NCF4: variants seen among roughly 807,000 people sequenced by gnomAD.
NCF4 encodes neutrophil cytosolic factor 4.
NCF4 carries 30 observed loss-of-function variants against 41.7 expected under a neutral mutation model. The observed-to-expected ratio is 0.72, with a 90% CI of 0.54 to 0.97. NCF4 has a LOEUF of 0.97. Ranked by LOEUF, NCF4 falls within the 50% of genes least tolerant of loss-of-function variation. The probability of loss-of-function intolerance (pLI) is 0.00; values close to 1 mark genes in which losing one functional copy is unlikely to be tolerated. For synonymous variants in NCF4, 195 were observed against 175.8 expected (o/e 1.11, Z -0.87); for missense variants, 432 against 460.9 (o/e 0.94, Z 0.57).
At position 36,877,933 on chromosome 22, in the gene NCF4, G is replaced by A. The variant is rs1215793869; in HGVS notation, c.*110G>A. 4.6e-6 allele frequency: 5 copies of A among 1,088,166 alleles called. No individual in the cohort carries two copies. In the Admixed American group the frequency reaches 6.5e-5, roughly 14 times the overall value. 67.4% of individuals were successfully genotyped at this position (1,088,166 alleles called of 1,614,324 possible). On this transcript the variant is annotated 3_prime_UTR_variant, in exon 10 of 10. Transcript: ENST00000248899. ...GGATGGGCAGACTTCCTGTCTTTGAGGCTAATGGACCCGTGGGGCTTGTAA... is the reference window on the plus strand; with the variant it reads ...GGATGGGCAGACTTCCTGTCTTTGAAGCTAATGGACCCGTGGGGCTTGTAA...
intron 4 of NCF4, 76 bp from the exon 5 acceptor site, chr22:36,870,339 G>A (rs1940023288): frequency 1.2e-6 from 2 of 1,601,710 alleles, no homozygotes; most frequent in Non-Finnish European, 1.7e-6. Context: ...CAGGGCTCGG[G>A]GACGGGACAT....
intron 4 of NCF4, 106 bp from the exon 5 acceptor site, chr22:36,870,309 A>G: frequency 6.7e-7 from 1 of 1,497,140 alleles, no homozygotes; most frequent in Non-Finnish European, 9.2e-7. Context: ...ATGCATTAGT[A>G]AAGAGAGGAG....
chr22:36,877,944 C>A lies in NCF4; in HGVS notation c.*121C>A. 2 of 946,668 alleles carry A rather than the reference C, an allele frequency of 2.1e-6. No individual in the cohort carries two copies. Among genetic ancestry groups the A allele is most frequent in the Non-Finnish European group, 3.2e-6 (2 of 629,632 alleles). 58.6% of individuals were successfully genotyped at this position (946,668 alleles called of 1,614,324 possible). A position where few individuals can be genotyped will look rare whatever the true frequency, so the allele number is the denominator to read the frequency against. ...CTTCCTGTCTTTGAGGCTAATGGAC[C>A]CGTGGGGCTTGTAATCTGTCTCTTT... is the stretch of plus-strand genomic sequence containing the variant. On this transcript the variant is annotated 3_prime_UTR_variant, in exon 10 of 10. Coordinates refer to ENST00000248899, the MANE Select transcript of NCF4 (RefSeq NM_000631.5).
In NCF4 at chr22:36,861,140, T is replaced by G. The variant is rs1406890625; in HGVS notation, c.-32T>G. On this transcript the variant is annotated 5_prime_UTR_variant, in exon 1 of 10. Coordinates refer to ENST00000248899, the MANE Select transcript of NCF4 (RefSeq NM_000631.5). ...CAGCCTGGGACTGGCTGGGCGAGAC[T>G]CTCCACCTGCTCCCTGGGACCATCG... is the stretch of plus-strand genomic sequence containing the variant. 1.3e-6 allele frequency: 2 copies of G among 1,551,244 alleles called. No homozygotes were observed. Among genetic ancestry groups the G allele is most frequent in the South Asian group, 2.4e-5 (2 of 84,048 alleles).
chr22:36,864,859 CCT>C (rs1939885307), intron 2 of NCF4, 58 bp from the exon 3 acceptor site: 1 of 1,607,068 alleles, frequency 6.2e-7, no homozygotes, highest in African/African-American at 1.3e-5. Flanking sequence ...TTCCCTTCCA[CCT>C]CTTTTTGGCT....
chr22:36,876,035 C>T lies in NCF4; in HGVS notation c.765C>T (p.Ile255=), dbSNP rs1190842042. 2.5e-6 allele frequency: 4 copies of T among 1,612,728 alleles called. No homozygotes were observed. The highest frequency in any genetic ancestry group is 1.6e-4 in the Middle Eastern group (1 of 6,082). ...YEDTISTIKD[I]AVEEDLSSTP... is the part of the protein sequence containing the mutation. ...CAGCCTGTCACCCCCTTAGGGACAT[C>T]GCGGTGGAGGAAGATCTCAGCAGCA... The change falls in exon 9 of 10, where the codon ATC becomes ATT. Residue 255 remains isoleucine, a synonymous_variant. Transcript: ENST00000248899.
intron 1 of NCF4, among the ~76,000 whole-genome samples, 159 bp downstream of exon 1, chr22:36,861,362 C>T (rs996931400): frequency 1.3e-4 from 20 of 152,226 alleles, no homozygotes; most frequent in Non-Finnish European, 1.9e-4. Flanking sequence ...ACTGCTTTAA[C>T]GAAACTTTGA....
chr22:36,865,197 C>A lies in NCF4; in HGVS notation c.271+125C>A. On this transcript the variant is annotated intron_variant, in intron 3 of 9. Transcript: ENST00000248899. This position sits in a 1 kb window ranked among gnomAD's most constrained non-coding sequence, Gnocchi z 4.3. ...AACTGTTCATGTAGTTTATAGCCCC[C>A]ACTCCCGGCAGTTACAGGCTGCCAA... is the stretch of plus-strand genomic sequence containing the variant. 7.2e-7 allele frequency: 1 copy of A among 1,393,910 alleles called. No individual in the cohort carries two copies. The highest frequency in any genetic ancestry group is 9.8e-7 in the Non-Finnish European group (1 of 1,018,450). The allele number at this position is 1,393,910 out of a possible 1,614,324, so 86.3% of individuals were successfully genotyped here.
intron 4 of NCF4, among the ~76,000 whole-genome samples, chr22:36,868,882 A>T (rs2042172320): frequency 6.6e-6 from 1 of 152,124 alleles, no homozygotes; most frequent in South Asian, 2.1e-4. Context: ...TGGGGAGCTC[A>T]CTACCACTCC....
At chr22:36,867,587 C>G (rs1227942010) in intron 4 of NCF4, 125 bp downstream of exon 4, 5 of 990,972 alleles carry the variant, frequency 5.0e-6, no homozygotes, top group Non-Finnish European at 7.9e-6. Context: ...ATGGCCCCAT[C>G]TTCAATCCCT....
intron 4 of NCF4, among the ~76,000 whole-genome samples, chr22:36,869,888 T>C (rs1431475034): frequency 6.6e-6 from 1 of 152,162 alleles, no homozygotes; most frequent in Non-Finnish European, 1.5e-5. Flanking sequence ...CAACTGTTGT[T>C]AATTTGGGTT....
intron 3 of NCF4, among the ~76,000 whole-genome samples, chr22:36,866,532 AC>A (rs1383100819): frequency 6.6e-6 from 1 of 150,836 alleles, no homozygotes; most frequent in East Asian, 2.0e-4. Flanking sequence ...CCAAACACTC[AC>A]CCTGGCAAAC....
intron 5 of NCF4, 58 bp downstream of exon 5, chr22:36,870,600 A>C (rs1465934891): frequency 1.3e-6 from 2 of 1,592,980 alleles, no homozygotes; most frequent in Non-Finnish European, 1.7e-6. Flanking sequence ...CTGCTGGAAA[A>C]GCATCTCTTT....
At chr22:36,862,640 C>G (rs901561383) in intron 1 of NCF4, among the ~76,000 whole-genome samples, 2 of 152,178 alleles carry the variant, frequency 1.3e-5, no homozygotes, top group African/African-American at 4.8e-5. Flanking sequence ...AGGCCTTGAG[C>G]CAGGTACTAG....
intron 2 of NCF4, among the ~76,000 whole-genome samples, chr22:36,864,491 G>A (rs886759366): frequency 6.6e-6 from 1 of 152,160 alleles, no homozygotes; most frequent in African/African-American, 2.4e-5. Flanking sequence ...AGTCGGGGGT[G>A]AGGGACTTTA....
In NCF4 at chr22:36,875,731, C is replaced by T; in HGVS notation, c.706C>T (p.Pro236Ser). ...ILKDFPEEDDPTNWLRCYYYE... is the reference protein window; with the variant it reads ...ILKDFPEEDDSTNWLRCYYYE... ...CAAAGACTTCCCTGAGGAGGACGAC[C>T]CCACCAACTGGCTGCGTTGCTACTA... Residue 236 changes from proline to serine, a missense_variant, in exon 8 of 10, where the codon CCC (proline) becomes TCC (serine). Coordinates refer to ENST00000248899, the MANE Select transcript of NCF4 (RefSeq NM_000631.5). 2 of 1,613,968 alleles carry T rather than the reference C, an allele frequency of 1.2e-6. No homozygotes were observed. Among genetic ancestry groups the T allele is most frequent in the Non-Finnish European group, 1.7e-6 (2 of 1,180,030 alleles).
Position 36,865,021 on chromosome 22 carries a change from G to C in NCF4, c.220G>C (p.Gly74Arg), listed in dbSNP as rs766377093. 2.5e-6 allele frequency: 4 copies of C among 1,613,656 alleles called. No individual in the cohort carries two copies. The highest frequency in any genetic ancestry group is 3.3e-5 in the Admixed American group (2 of 60,022). ...GCAGAGCAAGCTGGAGGAGCGCTTC[G>C]GGCCAGACAGCAAGAGCAGTGCCCT... is the stretch of plus-strand genomic sequence containing the variant. ...ALQSKLEERF[G>R]PDSKSSALAC... is the part of the protein sequence containing the mutation. Residue 74 changes from glycine to arginine, a missense_variant, in exon 3 of 10, where the codon GGG becomes CGG. Transcript: ENST00000248899. This position sits in a 1 kb window ranked among gnomAD's most constrained non-coding sequence, Gnocchi z 4.3.
chr22:36,865,192 G>T lies in NCF4; in HGVS notation c.271+120G>T. ...GTGAAAACTGTTCATGTAGTTTATA[G>T]CCCCCACTCCCGGCAGTTACAGGCT... On this transcript the variant is annotated intron_variant, in intron 3 of 9. Transcript: ENST00000248899. The surrounding 1 kb of genome is among the most constrained non-coding windows in gnomAD (Gnocchi z 4.3). The T allele has an allele frequency of 7.0e-7, 1 of 1,429,866 alleles. No homozygotes were observed. The highest frequency in any genetic ancestry group is 9.5e-7 in the Non-Finnish European group (1 of 1,047,590). The allele number at this position is 1,429,866 out of a possible 1,614,324, so 88.6% of individuals were successfully genotyped here. A position where few individuals can be genotyped will look rare whatever the true frequency, so the allele number is the denominator to read the frequency against.
intron 1 of NCF4, among the ~76,000 whole-genome samples, chr22:36,861,614 A>G (rs1939776195): frequency 6.6e-6 from 1 of 151,772 alleles, no homozygotes; most frequent in Non-Finnish European, 1.5e-5. Flanking sequence ...CTCAAATGTC[A>G]CCTCCTCCAA....
Sources: gnomAD v4.1 joint callset for allele counts (sites outside exome capture counted in the v4.1 genomes callset) on GRCh38, gnomAD v4.1.1 for gene constraint, Gnocchi (gnomAD v3.1) non-coding constraint, MANE v1.5 for transcripts, NCBI Gene and HGNC (gene_info 2026-07-23, HGNC 2026-07-21) for gene names.